The following PBX3 variants were observed in gnomAD, a reference collection of about 807,000 sequenced individuals.
PBX3 encodes the protein pre-B-cell leukemia transcription factor 3.
In PBX3, 14 loss-of-function variants were observed where a neutral mutation model predicts 48.5. The ratio of observed to expected loss-of-function variants is 0.29; its 90% confidence interval spans 0.19 to 0.45. The LOEUF (loss-of-function observed/expected upper bound fraction) is 0.45. Ranked by LOEUF, PBX3 falls within the 20% of genes least tolerant of loss-of-function variation. PBX3 has a pLI of 1.00. For missense variants in PBX3, 386 were observed against 546.7 expected, an observed-to-expected ratio of 0.71 and a Z score of 2.93; for synonymous variants, 210 against 200.3, an observed-to-expected ratio of 1.05 and a Z score of -0.41.
chr9:125,824,327 T>G (rs1838745713), intron 2 of PBX3, among the ~76,000 whole-genome samples: 1 of 152,178 alleles, frequency 6.6e-6, no homozygotes. Context: ...GTCTTGGGTG[T>G]GTGCTAGATA....
intron 2 of PBX3, among the ~76,000 whole-genome samples, chr9:125,753,401 C>T (rs935250208): frequency 1.3e-5 from 2 of 151,318 alleles, no homozygotes; most frequent in African/African-American, 4.9e-5. Flanking sequence ...CATTTCCATC[C>T]TAACAAAATA....
intron 2 of PBX3, among the ~76,000 whole-genome samples, chr9:125,886,199 T>A (rs7875574): frequency 0.059 from 9,042 of 152,194 alleles, 626 homozygotes; most frequent in East Asian, 0.17. Context: ...ATGTAGTGTA[T>A]ATTATCATTA....
chr9:125,963,329 CT>C (rs1349454385), intron 8 of PBX3, among the ~76,000 whole-genome samples: 1 of 152,168 alleles, frequency 6.6e-6, no homozygotes, highest in Non-Finnish European at 1.5e-5. Context: ...TCAGCAGGGA[CT>C]TAAGCATCAG....
chr9:125,759,557 T>C lies in PBX3; in HGVS notation c.274+10934T>C, dbSNP rs1296933083. ...ATCGCACATTTACATATGCTTCTAATTGTTGATTTGGGGATTTTCTATGAA... is the reference window on the plus strand; with the variant it reads ...ATCGCACATTTACATATGCTTCTAACTGTTGATTTGGGGATTTTCTATGAA... On this transcript the variant is annotated intron_variant, in intron 2 of 8. Coordinates refer to ENST00000373489, the MANE Select transcript of PBX3 (RefSeq NM_006195.6). This position sits in a 1 kb window ranked among gnomAD's most constrained non-coding sequence, Gnocchi z 4.2. Among the ~76,000 whole-genome samples the C allele has an allele frequency of 6.6e-6, 1 of 152,218 alleles. No individual in the cohort carries two copies. Among genetic ancestry groups the C allele is most frequent in the Non-Finnish European group, 1.5e-5 (1 of 68,036 alleles).
chr9:125,915,388 C>T lies in PBX3; in HGVS notation c.275-298C>T, dbSNP rs535087373. Among the ~76,000 whole-genome samples, 3 of 152,240 alleles carry T rather than the reference C, an allele frequency of 2.0e-5. No individual in the cohort carries two copies. In the South Asian group the frequency reaches 6.2e-4, roughly 32 times the overall value. ...GCTTAAATTATCTAAATCTGGGAAG[C>T]TTGAATGATTAAAATATTCCAGGAA... On this transcript the variant is annotated intron_variant, in intron 2 of 8. Coordinates refer to ENST00000373489, the MANE Select transcript of PBX3 (RefSeq NM_006195.6).
At chr9:125,958,376 C>A (rs1020766492) in intron 5 of PBX3, among the ~76,000 whole-genome samples, 1 of 152,210 alleles carries the variant, frequency 6.6e-6, no homozygotes, top group Non-Finnish European at 1.5e-5. Context: ...ATAATGCACA[C>A]CTGCTGTGAG....
intron 2 of PBX3, chr9:125,749,632 A>G (rs1472896361): frequency 1.3e-5 from 2 of 151,352 alleles, no homozygotes; most frequent in Non-Finnish European, 2.9e-5. Flanking sequence ...GTTGAGGCAA[A>G]GGAGAAAAAG....
At chr9:125,806,732 A>G (rs938965333) in intron 2 of PBX3, among the ~76,000 whole-genome samples, 3 of 152,226 alleles carry the variant, frequency 2.0e-5, no homozygotes, top group East Asian at 1.9e-4. Context: ...TCAGTGTCTC[A>G]TAAGTTATTG....
intron 2 of PBX3, among the ~76,000 whole-genome samples, chr9:125,775,853 A>G (rs1273921730): frequency 6.6e-6 from 1 of 152,230 alleles, no homozygotes; most frequent in African/African-American, 2.4e-5. Flanking sequence ...TAAGTCTTCC[A>G]ATCCATGAAC....
chr9:125,921,392 A>G (rs1841454736), intron 3 of PBX3, among the ~76,000 whole-genome samples: 1 of 152,232 alleles, frequency 6.6e-6, no homozygotes, highest in African/African-American at 2.4e-5. Flanking sequence ...GCAGAACTAT[A>G]TTAGATAAAG....
intron 2 of PBX3, among the ~76,000 whole-genome samples, chr9:125,843,257 A>C (rs1839335237): frequency 6.6e-6 from 1 of 152,112 alleles, no homozygotes; most frequent in African/African-American, 2.4e-5. Context: ...GTGATTGCAA[A>C]TTTTGTTTTT....
At chr9:125,756,383 T>A (rs1836518682) in intron 2 of PBX3, among the ~76,000 whole-genome samples, 1 of 152,084 alleles carries the variant, frequency 6.6e-6, no homozygotes, top group Non-Finnish European at 1.5e-5. Context: ...AGGATTGCTG[T>A]GGGGAAAGGG....
chr9:125,797,933 A>G (rs1476573769), intron 2 of PBX3, among the ~76,000 whole-genome samples: 1 of 152,162 alleles, frequency 6.6e-6, no homozygotes, highest in African/African-American at 2.4e-5. Context: ...ACATCCAGGC[A>G]TGAAGCAGTT....
intron 5 of PBX3, among the ~76,000 whole-genome samples, chr9:125,943,341 T>A (rs1196458970): frequency 9.2e-6 from 1 of 108,736 alleles, no homozygotes; most frequent in Non-Finnish European, 1.8e-5. Flanking sequence ...GGCTGCAGAG[T>A]GAGACTGTCT....
chr9:125,838,199 C>T (rs1015546213), intron 2 of PBX3, among the ~76,000 whole-genome samples: 7 of 152,084 alleles, frequency 4.6e-5, no homozygotes, highest in African/African-American at 1.4e-4. Flanking sequence ...TGCAGGTGTG[C>T]GCCACAATGC....
At chr9:125,766,571 T>A (rs1836805446) in intron 2 of PBX3, among the ~76,000 whole-genome samples, 1 of 152,140 alleles carries the variant, frequency 6.6e-6, no homozygotes, top group Admixed American at 6.5e-5. Flanking sequence ...CTTGTTTCTC[T>A]ATAGAGTTGG....
At chr9:125,877,362 T>C (rs1044968276) in intron 2 of PBX3, among the ~76,000 whole-genome samples, 1 of 152,164 alleles carries the variant, frequency 6.6e-6, no homozygotes, top group African/African-American at 2.4e-5. Context: ...TCTATTTGGG[T>C]TTGCAATTTC....
intron 2 of PBX3, among the ~76,000 whole-genome samples, chr9:125,896,371 A>C (rs1015684454): frequency 6.6e-6 from 1 of 152,034 alleles, no homozygotes; most frequent in African/African-American, 2.4e-5. Context: ...ATTATCCTTC[A>C]GCAGCCCAAT....
intron 2 of PBX3, among the ~76,000 whole-genome samples, chr9:125,870,997 A>G (rs1840108171): frequency 6.6e-6 from 1 of 152,218 alleles, no homozygotes; most frequent in Non-Finnish European, 1.5e-5. Flanking sequence ...TACATACCCT[A>G]CCAATCTAGC....
Sources: gnomAD v4.1 joint callset for allele counts (sites outside exome capture counted in the v4.1 genomes callset) on GRCh38, gnomAD v4.1.1 for gene constraint, Gnocchi (gnomAD v3.1) non-coding constraint, MANE v1.5 for transcripts, NCBI Gene and HGNC (gene_info 2026-07-23, HGNC 2026-07-21) for gene names.